The following AFG2A variants were observed in gnomAD, a reference collection of about 807,000 sequenced individuals.
AFG2A encodes ATPase family gene 2 protein homolog A.
At chr4:123,001,344 A>G in the AFG2A span, among the ~76,000 whole-genome samples, 2 of 152,046 alleles carry the variant, frequency 1.3e-5, no homozygotes, top group Admixed American at 6.6e-5. Context: ...GCCTTCTGCT[A>G]GCTTTTGAAT....
chr4:123,031,188 A>G, the AFG2A span, among the ~76,000 whole-genome samples: 17 of 151,996 alleles, frequency 1.1e-4, no homozygotes, highest in African/African-American at 4.1e-4. Flanking sequence ...GTCTTGTTCT[A>G]TCGCCCAGGC....
the AFG2A span, among the ~76,000 whole-genome samples, chr4:123,115,699 C>T: frequency 6.6e-6 from 1 of 152,106 alleles, no homozygotes; most frequent in East Asian, 1.9e-4. Context: ...GATCCACAGC[C>T]TGCAACCCCA....
chr4:123,315,841 A>C, the AFG2A span: 5,424 of 152,324 alleles, frequency 0.036, 242 homozygotes, highest in African/African-American at 0.1. Context: ...GCAGTGGCAC[A>C]GTCGTAGCTC....
the AFG2A span, among the ~76,000 whole-genome samples, chr4:123,186,533 C>T: frequency 6.6e-6 from 1 of 152,106 alleles, no homozygotes; most frequent in Non-Finnish European, 1.5e-5. Context: ...AAATGCTCTT[C>T]TCATTTGTAA....
chr4:123,015,117 A>G, the AFG2A span, among the ~76,000 whole-genome samples: 3 of 151,602 alleles, frequency 2.0e-5, no homozygotes, highest in Non-Finnish European at 2.9e-5. Context: ...TGTCTGCACA[A>G]TCTGTCTGCT....
At chr4:122,941,492 G>A in the AFG2A span, among the ~76,000 whole-genome samples, 934 of 150,668 alleles carry the variant, frequency 6.2e-3, no homozygotes, top group African/African-American at 0.022. Context: ...TTGTATCCTG[G>A]GACTTTGCTG....
chr4:122,999,211 C>T, the AFG2A span, among the ~76,000 whole-genome samples: 2 of 150,866 alleles, frequency 1.3e-5, no homozygotes, highest in African/African-American at 4.9e-5. Flanking sequence ...GATATTAGCC[C>T]TTTGTCAGAT....
chr4:123,174,700 G>A, the AFG2A span, among the ~76,000 whole-genome samples: 2 of 151,594 alleles, frequency 1.3e-5, no homozygotes, highest in African/African-American at 4.8e-5. Context: ...AATAAAGTTG[G>A]GCCCCTACTT....
chr4:123,090,537 A>C, the AFG2A span: 4 of 1,606,290 alleles, frequency 2.5e-6, no homozygotes, highest in South Asian at 3.3e-5. Flanking sequence ...TAGTATTTGA[A>C]GATAAGTAAA....
At chr4:123,010,217 A>T in the AFG2A span, among the ~76,000 whole-genome samples, 1 of 152,176 alleles carries the variant, frequency 6.6e-6, no homozygotes, top group African/African-American at 2.4e-5. Flanking sequence ...AAATGATACA[A>T]ACTCATTCAT....
At chr4:122,996,077 T>C in the AFG2A span, among the ~76,000 whole-genome samples, 1 of 152,256 alleles carries the variant, frequency 6.6e-6, no homozygotes, top group African/African-American at 2.4e-5. Flanking sequence ...TAACTGCCTA[T>C]TGATCATCTC....
At chr4:123,004,200 G>T in the AFG2A span, among the ~76,000 whole-genome samples, 1 of 152,180 alleles carries the variant, frequency 6.6e-6, no homozygotes, top group Non-Finnish European at 1.5e-5. Context: ...AATTTTCCAG[G>T]TGCCCTCTGT....
the AFG2A span, chr4:122,938,318 T>C: frequency 7.4e-6 from 10 of 1,347,874 alleles, no homozygotes; most frequent in Admixed American, 2.9e-5. Context: ...TGGTAAAAAC[T>C]ATTGAATGTG....
chr4:123,225,462 T>G, the AFG2A span, among the ~76,000 whole-genome samples: 6 of 152,216 alleles, frequency 3.9e-5, no homozygotes, highest in African/African-American at 9.6e-5. Flanking sequence ...ATTTATTAAC[T>G]AAGGAATCCT....
the AFG2A span, among the ~76,000 whole-genome samples, chr4:123,265,473 TGG>T: frequency 2.0e-5 from 3 of 152,138 alleles, no homozygotes; most frequent in East Asian, 5.8e-4. Flanking sequence ...CTGCTTAAAT[TGG>T]CAACAAAAGT....
the AFG2A span, among the ~76,000 whole-genome samples, chr4:123,041,360 A>T: frequency 1.4e-5 from 2 of 147,478 alleles, no homozygotes; most frequent in African/African-American, 5.0e-5. Flanking sequence ...TGACCTCATG[A>T]TCCACCCACC....
chr4:122,944,771 C>G, the AFG2A span, among the ~76,000 whole-genome samples: 115,142 of 151,938 alleles, frequency 0.76, 47,088 homozygotes, highest in East Asian at 0.96. Context: ...GTGGTTTTAT[C>G]TTTGTTTGGT....
the AFG2A span, among the ~76,000 whole-genome samples, chr4:123,038,759 T>C: frequency 1.6e-4 from 24 of 152,200 alleles, no homozygotes; most frequent in African/African-American, 5.8e-4. Context: ...ATGCGTATTT[T>C]CTTCACAGTG....
At chr4:123,123,929 G>C in the AFG2A span, among the ~76,000 whole-genome samples, 2 of 136,970 alleles carry the variant, frequency 1.5e-5, no homozygotes, top group African/African-American at 2.8e-5. Flanking sequence ...TCCAGCCTGG[G>C]CGACAGAGTG....
Sources: gnomAD v4.1 joint callset for allele counts (sites outside exome capture counted in the v4.1 genomes callset) on GRCh38, gnomAD v4.1.1 for gene constraint, MANE v1.5 for transcripts, NCBI Gene and HGNC (gene_info 2026-07-23, HGNC 2026-07-21) for gene names.